Variants in PIEZO2 observed in about 807,000 individuals in gnomAD.
PIEZO2 encodes piezo-type mechanosensitive ion channel component 2.
PIEZO2 carries 172 observed loss-of-function variants against 337.3 expected under a neutral mutation model. The observed-to-expected ratio is 0.51, with a 90% confidence interval of 0.45 to 0.58. PIEZO2 has a LOEUF of 0.58. PIEZO2 is among the 20% of genes least tolerant of loss of function. The pLI, the probability that PIEZO2 is intolerant of heterozygous loss-of-function variation, is 0.00. For synonymous variants in PIEZO2, 1,251 were observed against 1,228.5 expected (o/e 1.02, Z -0.38); for missense variants, 3,028 against 3,391.3 (o/e 0.89, Z 2.66).
intron 7 of PIEZO2, among the ~76,000 whole-genome samples, chr18:10,848,792 C>T (rs762241297): frequency 1.3e-5 from 2 of 152,152 alleles, no homozygotes; most frequent in African/African-American, 4.8e-5. Context: ...TGAACATATG[C>T]TAAATGTTCA....
chr18:11,120,528 G>C (rs1055998734), intron 1 of PIEZO2, among the ~76,000 whole-genome samples: 1 of 152,148 alleles, frequency 6.6e-6, no homozygotes, highest in Non-Finnish European at 1.5e-5. Flanking sequence ...AGGAAGACAG[G>C]AAAGAGAGGG....
chr18:11,122,677 G>A (rs2040062337), intron 1 of PIEZO2, among the ~76,000 whole-genome samples: 1 of 152,108 alleles, frequency 6.6e-6, no homozygotes, highest in Non-Finnish European at 1.5e-5. Context: ...ACATTATTGA[G>A]GAGAGATAGT....
Position 10,783,951 on chromosome 18 carries a change from T to A in PIEZO2, c.2492+833A>T, listed in dbSNP as rs2039120895. Among the ~76,000 whole-genome samples, 1 of 152,190 alleles carries A rather than the reference T, an allele frequency of 6.6e-6. No individual in the cohort carries two copies. The highest frequency in any genetic ancestry group is 2.4e-5 in the African/African-American group (1 of 41,450). ...GATACCTGCATTTTTTCCCTTAAAG[T>A]CAAATAATTAAGGAGAATTTTCATC... On this transcript the variant is annotated intron_variant, in intron 17 of 55. Transcript: ENST00000674853. This position sits in a 1 kb window ranked among gnomAD's most constrained non-coding sequence, Gnocchi z 4.3.
At position 10,962,710 on chromosome 18, in the gene PIEZO2, C is replaced by A. The variant is rs1299864425; in HGVS notation, c.286+16825G>T. On this transcript the variant is annotated intron_variant, in intron 3 of 55. Transcript: ENST00000674853. The surrounding 1 kb of genome is among the most constrained non-coding windows in gnomAD (Gnocchi z 4.1). ...GGCATCCTGAGACGTAGTATCATCTCAGTTTTTTAATTTGTAATTTCATCC... is the reference window on the plus strand; with the variant it reads ...GGCATCCTGAGACGTAGTATCATCTAAGTTTTTTAATTTGTAATTTCATCC... Among the ~76,000 whole-genome samples the A allele has an allele frequency of 6.6e-6, 1 of 152,168 alleles. No individual in the cohort carries two copies. Among genetic ancestry groups the A allele is most frequent in the African/African-American group, 2.4e-5 (1 of 41,436 alleles).
intron 1 of PIEZO2, among the ~76,000 whole-genome samples, chr18:11,144,092 G>C (rs190602162): frequency 2.6e-5 from 4 of 152,168 alleles, no homozygotes; most frequent in African/African-American, 4.8e-5. Flanking sequence ...CCTCAAAGGT[G>C]AAGTCCAAAG....
At chr18:10,802,085 CAAAAAAAAA>C (rs58924448) in intron 9 of PIEZO2, among the ~76,000 whole-genome samples, 3 of 96,630 alleles carry the variant, frequency 3.1e-5, no homozygotes, top group Admixed American at 1.2e-4. Context: ...GACTCCGTCT[CAAAAAAAAA>C]AAAAAAAAAA....
chr18:10,788,111 A>G (rs781035929), intron 15 of PIEZO2, among the ~76,000 whole-genome samples: 1 of 152,158 alleles, frequency 6.6e-6, no homozygotes, highest in Admixed American at 6.6e-5. Flanking sequence ...ATATAATTCA[A>G]TTTTTACAGG....
intron 4 of PIEZO2, among the ~76,000 whole-genome samples, chr18:10,901,781 T>C (rs2043054906): frequency 6.6e-6 from 1 of 152,180 alleles, no homozygotes; most frequent in African/African-American, 2.4e-5. Context: ...ATGAAATCAT[T>C]AGTAATACAA....
At chr18:10,721,678 C>T (rs2036317254) in intron 36 of PIEZO2, among the ~76,000 whole-genome samples, 1 of 151,782 alleles carries the variant, frequency 6.6e-6, no homozygotes, top group South Asian at 2.1e-4. Context: ...CAAAGCGAGA[C>T]AATACAAGGG....
intron 1 of PIEZO2, among the ~76,000 whole-genome samples, chr18:11,141,017 T>A (rs1351151701): frequency 6.6e-6 from 1 of 151,952 alleles, no homozygotes; most frequent in Non-Finnish European, 1.5e-5. Flanking sequence ...GATGGAAGAG[T>A]ATGGCTGCGG....
At chr18:10,801,138 C>G (rs1054231025) in intron 10 of PIEZO2, among the ~76,000 whole-genome samples, 4 of 152,212 alleles carry the variant, frequency 2.6e-5, no homozygotes, top group African/African-American at 9.7e-5. Context: ...TTCCTACTTA[C>G]GAATTAGGCA....
chr18:10,782,827 G>C (rs1192611030), intron 17 of PIEZO2, among the ~76,000 whole-genome samples: 12 of 152,070 alleles, frequency 7.9e-5, no homozygotes, highest in Non-Finnish European at 1.8e-4. Flanking sequence ...CCCAGAACCT[G>C]CATAGGCTAA....
rs528924676 is a variant in PIEZO2, at chr18:11,132,386, C to T, written c.64+16139G>A. 1.3e-3 allele frequency among the ~76,000 whole-genome samples: 202 copies of T among 152,166 alleles called. 1 individual carries two copies. In the Middle Eastern group the frequency reaches 0.014, roughly 10 times the overall value. ...TTCTGAAGCAGGTGGATTGATAGAA[C>T]GGTGGAATGGCCTTTTGAAGTCACA... On this transcript the variant is annotated intron_variant, in intron 1 of 55. Transcript: ENST00000674853. This position sits in a 1 kb window ranked among gnomAD's most constrained non-coding sequence, Gnocchi z 4.7.
chr18:10,676,318 A>G lies in PIEZO2; in HGVS notation c.8082-1030T>C, dbSNP rs552388071. 6.6e-6 allele frequency among the ~76,000 whole-genome samples: 1 copy of G among 152,246 alleles called. No homozygotes were observed. Among genetic ancestry groups the G allele is most frequent in the African/African-American group, 2.4e-5 (1 of 41,548 alleles). Reference sequence around the variant, plus strand: ...GTGATCCATATATTCCATGCATTACAATGGGGCCAGGGCAGTCTGGAGGAC... The same window carrying G: ...GTGATCCATATATTCCATGCATTACGATGGGGCCAGGGCAGTCTGGAGGAC... On this transcript the variant is annotated intron_variant, in intron 53 of 55. Coordinates refer to ENST00000674853, the MANE Select transcript of PIEZO2 (RefSeq NM_001378183.1). The surrounding 1 kb of genome is among the most constrained non-coding windows in gnomAD (Gnocchi z 5.1).
rs571687691 is a variant in PIEZO2, at chr18:11,043,688, G to A, written c.160+22439C>T. On this transcript the variant is annotated intron_variant, in intron 2 of 55. Coordinates refer to ENST00000674853, the MANE Select transcript of PIEZO2 (RefSeq NM_001378183.1). ...ACATATACTTCCCAAAATACACAGAGAGCTTACTGATTTTTTTTTTTCTTG... is the reference window on the plus strand; with the variant it reads ...ACATATACTTCCCAAAATACACAGAAAGCTTACTGATTTTTTTTTTTCTTG... 1.2e-4 allele frequency among the ~76,000 whole-genome samples: 18 copies of A among 152,102 alleles called. No individual in the cohort carries two copies. In the South Asian group the frequency reaches 2.5e-3, roughly 21 times the overall value.
chr18:11,114,819 G>T (rs578155061), intron 1 of PIEZO2, among the ~76,000 whole-genome samples: 12 of 152,210 alleles, frequency 7.9e-5, no homozygotes, highest in African/African-American at 2.2e-4. Flanking sequence ...AGGCTGGAGG[G>T]CTTCTGAATC....
At chr18:10,788,203 A>C (rs569859985) in intron 15 of PIEZO2, among the ~76,000 whole-genome samples, 1 of 152,244 alleles carries the variant, frequency 6.6e-6, no homozygotes, top group African/African-American at 2.4e-5. Context: ...GGAGTTTGAA[A>C]CCAGCCTGGC....
intron 1 of PIEZO2, among the ~76,000 whole-genome samples, chr18:11,115,730 A>C (rs2039870273): frequency 6.6e-6 from 1 of 152,206 alleles, no homozygotes; most frequent in Non-Finnish European, 1.5e-5. Context: ...ATTCAGATTT[A>C]AGTGGGAATC....
At chr18:10,679,657 G>A (rs1160889729) in intron 52 of PIEZO2, among the ~76,000 whole-genome samples, 1 of 152,106 alleles carries the variant, frequency 6.6e-6, no homozygotes, top group Admixed American at 6.6e-5. Flanking sequence ...TTCTCTCTCA[G>A]GTGGGCATAA....
Sources: gnomAD v4.1 joint callset for allele counts (sites outside exome capture counted in the v4.1 genomes callset) on GRCh38, gnomAD v4.1.1 for gene constraint, Gnocchi (gnomAD v3.1) non-coding constraint, MANE v1.5 for transcripts, NCBI Gene and HGNC (gene_info 2026-07-23, HGNC 2026-07-21) for gene names.